The following ABAT variants were observed in gnomAD, a reference collection of about 807,000 sequenced individuals.
ABAT encodes the protein 4-aminobutyrate aminotransferase.
Under a neutral mutation model 64.6 loss-of-function variants are expected in ABAT, and 45 were observed. The ratio of observed to expected loss-of-function variants is 0.70; its 90% CI spans 0.55 to 0.89. The LOEUF is 0.89. Among genes scored for constraint, ABAT ranks in the 40% least tolerant of loss-of-function variants. ABAT has a pLI of 0.00. For synonymous variants in ABAT, 297 were observed against 250.5 expected, an observed-to-expected ratio of 1.19 and a Z score of -1.75; for missense variants, 633 against 658.4, an observed-to-expected ratio of 0.96 and a Z score of 0.42.
intron 1 of ABAT, chr16:8,712,955 A>G (rs1022876630): frequency 2.1e-4 from 18 of 84,256 alleles, no homozygotes; most frequent in African/African-American, 7.9e-4. Flanking sequence ...CCCCAACCCC[A>G]TACCCCCTCC....
chr16:8,678,619 T>G (rs1371376305), intron 1 of ABAT, among the ~76,000 whole-genome samples: 1 of 152,260 alleles, frequency 6.6e-6, no homozygotes, highest in Non-Finnish European at 1.5e-5. Context: ...TTCAATGGCA[T>G]GCTCTTTGGT....
Position 8,764,433 on chromosome 16 carries a change from G to C in ABAT, c.447+284G>C, listed in dbSNP as rs912328928. Among the ~76,000 whole-genome samples, 1 of 152,138 alleles carries C rather than the reference G, an allele frequency of 6.6e-6. No homozygotes were observed. Among genetic ancestry groups the C allele is most frequent in the Non-Finnish European group, 1.5e-5 (1 of 68,036 alleles). The stretch of plus-strand genomic sequence containing the variant: ...CTTCTCGGTTTTAGTTACTACAAAC[G>C]ATTAAAGCCATTGGGAGCCTCAACG... On this transcript the variant is annotated intron_variant, in intron 7 of 15. Coordinates refer to ENST00000268251, the MANE Select transcript of ABAT (RefSeq NM_020686.6). The surrounding 1 kb of genome is among the most constrained non-coding windows in gnomAD (Gnocchi z 4.2).
rs2060498074 is a variant in ABAT at position 8,784,214 on chromosome 16, A to C, written c.*2784A>C. 6.6e-6 allele frequency: 1 copy of C among 152,664 alleles called. No homozygotes were observed. The highest frequency in any genetic ancestry group is 6.5e-5 in the Admixed American group (1 of 15,276). 9.5% of individuals were successfully genotyped at this position (152,664 alleles called of 1,614,324 possible). A position where few individuals can be genotyped will look rare whatever the true frequency, so the allele number is the denominator to read the frequency against. ...CCAGCAAGTGTCATCACTTTTACAG[A>C]AAACAAGGTCCAGTAATAGCAAGTC... On this transcript the variant is annotated 3_prime_UTR_variant, in exon 16 of 16. Coordinates refer to ENST00000268251, the MANE Select transcript of ABAT (RefSeq NM_020686.6).
chr16:8,752,885 T>G (rs74323751), intron 5 of ABAT, among the ~76,000 whole-genome samples: 6,236 of 152,268 alleles, frequency 0.041, 183 homozygotes, highest in Middle Eastern at 0.15. Context: ...TATAGAGAAT[T>G]TACTATGCAC....
At chr16:8,726,389 T>C (rs1267687511) in intron 1 of ABAT, among the ~76,000 whole-genome samples, 1 of 151,092 alleles carries the variant, frequency 6.6e-6, no homozygotes, top group Non-Finnish European at 1.5e-5. Context: ...GCCTCCCTAG[T>C]AACTGGGACT....
At chr16:8,682,426 G>A (rs1189041547) in intron 1 of ABAT, among the ~76,000 whole-genome samples, 3 of 152,158 alleles carry the variant, frequency 2.0e-5, no homozygotes, top group Non-Finnish European at 4.4e-5. Context: ...AGAGTAGCCT[G>A]CCCCTTTATC....
Position 8,780,763 on chromosome 16 carries a change from TAAAA to T in ABAT, c.1382-531_1382-528del, listed in dbSNP as rs60149541. The T allele has an allele frequency of 3.8e-3, 515 of 137,244 alleles. 1 individual carries two copies. Among genetic ancestry groups the T allele is most frequent in the South Asian group, 9.7e-3 (65 of 6,712 alleles). 8.5% of individuals were successfully genotyped at this position (137,244 alleles called of 1,614,324 possible). A position where few individuals can be genotyped will look rare whatever the true frequency, so the allele number is the denominator to read the frequency against. On this transcript the variant is annotated intron_variant, in intron 15 of 15. Coordinates refer to ENST00000268251, the MANE Select transcript of ABAT (RefSeq NM_020686.6). The stretch of plus-strand genomic sequence containing the variant: ...GGGTGACAGCGCGAGACTCCATCTC[TAAAA>T]AAAAAAAAAAAAAAGGCATAAACAA...
chr16:8,691,723 G>A (rs2057587217), intron 1 of ABAT, among the ~76,000 whole-genome samples: 2 of 152,170 alleles, frequency 1.3e-5, no homozygotes, highest in South Asian at 4.1e-4. Context: ...TTACAGGTGT[G>A]AGCCACCGCG....
At chr16:8,705,341 G>A (rs754641579) in intron 1 of ABAT, 2 of 152,162 alleles carry the variant, frequency 1.3e-5, no homozygotes, top group Non-Finnish European at 2.9e-5. Context: ...CATGAGAACA[G>A]TATGGGGGAA....
chr16:8,694,301 G>T (rs2057653032), intron 1 of ABAT, among the ~76,000 whole-genome samples: 1 of 152,002 alleles, frequency 6.6e-6, no homozygotes, highest in Non-Finnish European at 1.5e-5. Flanking sequence ...AGGATTACAG[G>T]CGTGAGCCAC....
intron 1 of ABAT, among the ~76,000 whole-genome samples, chr16:8,694,096 C>A (rs1189938332): frequency 1.3e-5 from 2 of 151,950 alleles, no homozygotes; most frequent in Non-Finnish European, 2.9e-5. Context: ...GTGGCACGAT[C>A]TCCGCTCACT....
chr16:8,741,307 C>A (rs1193314326), intron 2 of ABAT, among the ~76,000 whole-genome samples: 1 of 152,192 alleles, frequency 6.6e-6, no homozygotes, highest in Non-Finnish European at 1.5e-5. Context: ...TGTTTTGCTG[C>A]AAATGTTTCA....
chr16:8,697,640 TGG>T, intron 1 of ABAT, among the ~76,000 whole-genome samples: 1 of 112,874 alleles, frequency 8.9e-6, no homozygotes, highest in African/African-American at 2.9e-5. Flanking sequence ...TTTTGTTTTT[TGG>T]TTTTTTTTTT....
At chr16:8,767,990 TAA>T (rs376861042) in intron 9 of ABAT, among the ~76,000 whole-genome samples, 15 of 145,686 alleles carry the variant, frequency 1.0e-4, no homozygotes, top group African/African-American at 3.5e-4. Flanking sequence ...ATTTGTGACT[TAA>T]AAAAAAAAAA....
Position 8,724,591 on chromosome 16 carries a change from C to T in ABAT, c.-41-11108C>T, listed in dbSNP as rs554910130. 2.0e-5 allele frequency among the ~76,000 whole-genome samples: 3 copies of T among 152,070 alleles called. No individual in the cohort carries two copies. In the South Asian group the frequency reaches 6.2e-4, roughly 32 times the overall value. On this transcript the variant is annotated intron_variant, in intron 1 of 15. Transcript: ENST00000268251. ...TCCAAAAAAGAAATACAAAGATTAGCCAGGTGTGGTGGCATGTGCTTATAG... is the reference window on the plus strand; with the variant it reads ...TCCAAAAAAGAAATACAAAGATTAGTCAGGTGTGGTGGCATGTGCTTATAG...
At chr16:8,680,337 G>A (rs948817295) in intron 1 of ABAT, among the ~76,000 whole-genome samples, 2 of 152,196 alleles carry the variant, frequency 1.3e-5, no homozygotes, top group Non-Finnish European at 2.9e-5. Flanking sequence ...AGATATTCAA[G>A]GAGCATTGAC....
chr16:8,728,157 TTAG>T (rs1460624176), intron 1 of ABAT, among the ~76,000 whole-genome samples: 4 of 152,160 alleles, frequency 2.6e-5, no homozygotes, highest in African/African-American at 9.7e-5. Flanking sequence ...GTTGATTGAA[TTAG>T]TGGATGAGAG....
intron 13 of ABAT, among the ~76,000 whole-genome samples, chr16:8,775,433 G>A (rs541920589): frequency 6.6e-6 from 1 of 152,118 alleles, no homozygotes; most frequent in Non-Finnish European, 1.5e-5. Context: ...TGACTAATGA[G>A]GAATCAGGCA....
At position 8,764,728 on chromosome 16, in the gene ABAT, C is replaced by A. The variant is rs755732557; in HGVS notation, c.448-10C>A. The A allele has an allele frequency of 9.3e-6, 15 of 1,613,686 alleles. No individual in the cohort carries two copies. Among genetic ancestry groups the A allele is most frequent in the Non-Finnish European group, 5.1e-6 (6 of 1,179,720 alleles). ...TGAGCCTGGGCTCACGGCTATTTCC[C>A]TCCCCACAGGTGGCTCCCAAAGGGA... On this transcript the variant is annotated splice_polypyrimidine_tract_variant and intron_variant, in intron 7 of 15. Transcript: ENST00000268251. The surrounding 1 kb of genome is among the most constrained non-coding windows in gnomAD (Gnocchi z 4.2).
Sources: allele counts gnomAD v4.1 joint callset (sites outside exome capture counted in the v4.1 genomes callset), GRCh38; gene constraint gnomAD v4.1.1; non-coding constraint Gnocchi (gnomAD v3.1); transcripts MANE v1.5; gene names NCBI Gene and HGNC (gene_info 2026-07-23, HGNC 2026-07-21).